DOCK8: variants seen among roughly 807,000 people sequenced by gnomAD.
The protein encoded by DOCK8 is dedicator of cytokinesis 8.
In DOCK8, 141 loss-of-function variants were observed where a neutral mutation model predicts 245.6. The observed-to-expected ratio is 0.57, with a 90% CI of 0.50 to 0.66. DOCK8 has a LOEUF of 0.66. Among genes scored for constraint, DOCK8 ranks in the 30% least tolerant of loss-of-function variants. The pLI is 0.00. For synonymous variants in DOCK8, 1,168 were observed against 970.2 expected (o/e 1.20, Z -3.79); for missense variants, 2,965 against 2,603.4 (o/e 1.14, Z -3.02).
chr9:350,375 G>A (rs2052103322), intron 14 of DOCK8, among the ~76,000 whole-genome samples: 1 of 152,184 alleles, frequency 6.6e-6, no homozygotes, highest in Non-Finnish European at 1.5e-5. Context: ...GCTTCCCAAA[G>A]CACTGGGAGG....
chr9:364,641 G>GAAAAAAA (rs34033459), intron 14 of DOCK8, among the ~76,000 whole-genome samples: 72 of 84,488 alleles, frequency 8.5e-4, no homozygotes, highest in African/African-American at 3.1e-3. Flanking sequence ...CTCAAAAATT[G>GAAAAAAA]AAAAAAAAAA....
chr9:405,856 A>T (rs922571973), intron 27 of DOCK8, among the ~76,000 whole-genome samples: 1 of 152,244 alleles, frequency 6.6e-6, no homozygotes, highest in Non-Finnish European at 1.5e-5. Context: ...ACAGGGAAAG[A>T]TCTGACTCAC....
chr9:445,694 T>C (rs1391840349), intron 43 of DOCK8, among the ~76,000 whole-genome samples: 2 of 152,056 alleles, frequency 1.3e-5, no homozygotes, highest in African/African-American at 4.8e-5. Context: ...TACCTCACCA[T>C]TTGCTTGTTA....
At chr9:399,343 GTCT>G (rs1174156741) in intron 26 of DOCK8, 84 bp downstream of exon 26, 1 of 1,012,420 alleles carries the variant, frequency 9.9e-7, no homozygotes, top group Non-Finnish European at 1.5e-6. Context: ...ATGGCACGCT[GTCT>G]TCTTCATTAC....
At chr9:460,697 T>C (rs1444936930) in intron 46 of DOCK8, among the ~76,000 whole-genome samples, 1 of 152,250 alleles carries the variant, frequency 6.6e-6, no homozygotes, top group African/African-American at 2.4e-5. Flanking sequence ...CAAGTCCTTC[T>C]TCTATAGCAG....
Position 390,387 on chromosome 9 carries a change from G to C in DOCK8, c.2875-84G>C, listed in dbSNP as rs1431925577. 6.4e-6 allele frequency: 8 copies of C among 1,243,108 alleles called. No homozygotes were observed. The African/African-American group carries it at 1.2e-4, about 18-fold the overall frequency. The allele number at this position is 1,243,108 out of a possible 1,614,324, so 77.0% of individuals were successfully genotyped here. A position where few individuals can be genotyped will look rare whatever the true frequency, so the allele number is the denominator to read the frequency against. ...CAGGAACGAACAAGCTATTAAATTG[G>C]GGGGAATAAAAGAAAAGAAAAAAAG... On this transcript the variant is annotated intron_variant, in intron 23 of 47. Transcript: ENST00000432829.
chr9:214,493 T>C, upstream of DOCK8: 2 of 1,610,290 alleles, frequency 1.2e-6, no homozygotes, highest in Non-Finnish European at 1.7e-6. Flanking sequence ...GTGTCAACCC[T>C]TAATAACACC....
upstream of DOCK8, among the ~76,000 whole-genome samples, chr9:211,345 G>C (rs374119896): frequency 3.9e-5 from 6 of 152,152 alleles, no homozygotes; most frequent in East Asian, 5.8e-4. Flanking sequence ...TTTGTGAAGT[G>C]GGCATACGAG....
chr9:393,006 A>T (rs2054271407), intron 24 of DOCK8, among the ~76,000 whole-genome samples: 1 of 144,610 alleles, frequency 6.9e-6, no homozygotes. Context: ...GCGTCACTGG[A>T]GCCTAGGAGT....
In DOCK8 at chr9:428,530, T is replaced by G. The variant is rs111751331; in HGVS notation, c.4473+34T>G. 8 of 1,613,284 alleles carry G rather than the reference T, an allele frequency of 5.0e-6. No homozygotes were observed. The African/African-American group carries it at 6.7e-5, about 13-fold the overall frequency. On this transcript the variant is annotated intron_variant, in intron 35 of 47. Coordinates refer to ENST00000432829, the MANE Select transcript of DOCK8 (RefSeq NM_203447.4). ...GGGATGCTTGTTTTCTTCCTCTTAATTAAGAGTAAGATTCTCATCTAGCTT... is the reference window on the plus strand; with the variant it reads ...GGGATGCTTGTTTTCTTCCTCTTAAGTAAGAGTAAGATTCTCATCTAGCTT...
chr9:392,138 A>G (rs993435354), intron 24 of DOCK8, among the ~76,000 whole-genome samples: 12 of 125,686 alleles, frequency 9.5e-5, no homozygotes, highest in African/African-American at 3.6e-4. Context: ...AACTCCATCT[A>G]AAAAAAAAAA....
chr9:408,076 C>T lies in DOCK8; in HGVS notation c.3530+1007C>T, dbSNP rs138801047. 7.2e-5 allele frequency among the ~76,000 whole-genome samples: 11 copies of T among 152,332 alleles called. 1 individual carries two copies. In the East Asian group the frequency reaches 1.9e-3, roughly 27 times the overall value. ...TCTCCCTGCACAGGGAACCTGTTCC[C>T]ATGACTCCTATGCTAAAGAGGTTTC... On this transcript the variant is annotated intron_variant, in intron 28 of 47. Transcript: ENST00000432829.
chr9:259,820 ATCT>A (rs2047872306), intron 1 of DOCK8, among the ~76,000 whole-genome samples: 1 of 152,188 alleles, frequency 6.6e-6, no homozygotes, highest in Non-Finnish European at 1.5e-5. Context: ...TGCTTTCAAG[ATCT>A]TCTCTGACCA....
intron 1 of DOCK8, among the ~76,000 whole-genome samples, chr9:254,978 G>A (rs568940831): frequency 5.9e-5 from 9 of 152,248 alleles, no homozygotes; most frequent in Admixed American, 5.9e-4. Flanking sequence ...TCTTATTTTT[G>A]TATGCTAAAG....
At chr9:223,248 C>T (rs1186582013) in intron 1 of DOCK8, among the ~76,000 whole-genome samples, 2 of 152,104 alleles carry the variant, frequency 1.3e-5, no homozygotes, top group African/African-American at 2.4e-5. Context: ...TAAACTCCAC[C>T]GCCTCACTCC....
chr9:463,629 A>T lies in DOCK8; in HGVS notation c.6181A>T (p.Ile2061Phe). 6.2e-7 allele frequency: 1 copy of T among 1,613,866 alleles called. No individual in the cohort carries two copies. The highest frequency in any genetic ancestry group is 1.6e-4 in the Middle Eastern group (1 of 6,062). The change falls in exon 47 of 48, where the codon ATC (isoleucine) becomes TTC (phenylalanine). Residue 2061 changes from isoleucine (I) to phenylalanine (F), a missense_variant. Transcript: ENST00000432829. ...NKLKENLRPM[I>F]ERKIPELYKP... ...GCTAAAAGAGAACCTCAGGCCAATG[A>T]TCGAGCGGAAAATTCCAGAACTGTA... is the stretch of plus-strand genomic sequence containing the variant.
chr9:219,610 C>T (rs1261334306), intron 1 of DOCK8, among the ~76,000 whole-genome samples: 1 of 152,102 alleles, frequency 6.6e-6, no homozygotes, highest in African/African-American at 2.4e-5. Flanking sequence ...TTAAGAACAA[C>T]CACAGGCTGG....
chr9:282,830 A>G (rs1021029709), intron 2 of DOCK8, among the ~76,000 whole-genome samples: 10 of 152,214 alleles, frequency 6.6e-5, no homozygotes, highest in African/African-American at 2.4e-4. Context: ...TTTACGGCTC[A>G]TGTCACCTTG....
At chr9:272,049 T>C (rs2048179338) in intron 2 of DOCK8, among the ~76,000 whole-genome samples, 1 of 152,198 alleles carries the variant, frequency 6.6e-6, no homozygotes, top group Non-Finnish European at 1.5e-5. Flanking sequence ...TTACCACCAT[T>C]TGTAGTATGC....
Sources: gnomAD v4.1 joint callset for allele counts (sites outside exome capture counted in the v4.1 genomes callset) on GRCh38, gnomAD v4.1.1 for gene constraint, MANE v1.5 for transcripts, NCBI Gene and HGNC (gene_info 2026-07-23, HGNC 2026-07-21) for gene names.